NKAIN2: variants seen among roughly 807,000 people sequenced by gnomAD.
NKAIN2 encodes sodium/potassium-transporting ATPase subunit beta-1-interacting protein 2.
Under a neutral mutation model 32.6 loss-of-function variants are expected in NKAIN2, and 14 were observed. The ratio of observed to expected loss-of-function variants is 0.43; its 90% confidence interval spans 0.28 to 0.67. The LOEUF is 0.67. Ranked by LOEUF, NKAIN2 falls within the 30% of genes least tolerant of loss-of-function variation. The pLI is 0.17. For missense variants in NKAIN2, 198 were observed against 258.3 expected, an observed-to-expected ratio of 0.77 and a Z score of 1.60; for synonymous variants, 80 against 87.2, an observed-to-expected ratio of 0.92 and a Z score of 0.46.
chr6:124,242,783 C>T (rs951520335), intron 1 of NKAIN2, among the ~76,000 whole-genome samples: 1 of 150,730 alleles, frequency 6.6e-6, no homozygotes, highest in African/African-American at 2.4e-5. Context: ...CAAACTAACA[C>T]AGGAACAGAA....
At chr6:124,286,767 C>T (rs1337552033) in intron 2 of NKAIN2, among the ~76,000 whole-genome samples, 2 of 151,710 alleles carry the variant, frequency 1.3e-5, no homozygotes, top group African/African-American at 4.8e-5. Flanking sequence ...CTGCAAACTC[C>T]ACCTCCCAGG....
intron 3 of NKAIN2, among the ~76,000 whole-genome samples, chr6:124,635,941 G>C (rs947263358): frequency 6.6e-6 from 1 of 151,856 alleles, no homozygotes; most frequent in Non-Finnish European, 1.5e-5. Flanking sequence ...CAGCAAATAG[G>C]CATAATAGAC....
intron 4 of NKAIN2, among the ~76,000 whole-genome samples, chr6:124,789,762 A>C (rs1179663120): frequency 6.6e-6 from 1 of 152,108 alleles, no homozygotes; most frequent in African/African-American, 2.4e-5. Context: ...TATATAAAGA[A>C]GTGGTTCTTA....
chr6:124,484,151 G>A (rs1777562617), intron 3 of NKAIN2, among the ~76,000 whole-genome samples: 1 of 152,126 alleles, frequency 6.6e-6, no homozygotes, highest in South Asian at 2.1e-4. Flanking sequence ...TTAGACCCTG[G>A]TCAACTTTGA....
intron 1 of NKAIN2, among the ~76,000 whole-genome samples, chr6:124,219,080 G>GGGAA (rs1013375042): frequency 3.3e-5 from 5 of 151,998 alleles, no homozygotes; most frequent in African/African-American, 1.2e-4. Context: ...CTCAACACGT[G>GGGAA]GGAATAACAG....
chr6:124,125,954 C>T (rs957446778), intron 1 of NKAIN2, among the ~76,000 whole-genome samples: 14 of 152,088 alleles, frequency 9.2e-5, no homozygotes, highest in African/African-American at 2.9e-4. Context: ...TGAAGTGTTT[C>T]GCTCTTGGCT....
chr6:124,325,409 G>A (rs1797370593), intron 2 of NKAIN2, among the ~76,000 whole-genome samples: 1 of 151,958 alleles, frequency 6.6e-6, no homozygotes, highest in East Asian at 1.9e-4. Context: ...CCCAAGAGAT[G>A]TTGAAAAAAC....
At chr6:124,146,277 TG>T (rs1342026607) in intron 1 of NKAIN2, among the ~76,000 whole-genome samples, 3 of 151,976 alleles carry the variant, frequency 2.0e-5, no homozygotes, top group Non-Finnish European at 4.4e-5. Context: ...GCAAAAAAAA[TG>T]TACAGTTTTC....
chr6:124,379,428 G>T lies in NKAIN2; in HGVS notation c.273+24081G>T, dbSNP rs1337456435. 2.0e-5 allele frequency among the ~76,000 whole-genome samples: 3 copies of T among 152,084 alleles called. No homozygotes were observed. In the East Asian group the frequency reaches 5.9e-4, roughly 30 times the overall value. ...AGATTGGTTTTCTTCAACATCCCAA[G>T]TTCAGCTTCTCAATTCTTTCATCAT... On this transcript the variant is annotated intron_variant, in intron 3 of 6. Transcript: ENST00000368417.
At chr6:124,011,381 A>G (rs4571586) in intron 1 of NKAIN2, among the ~76,000 whole-genome samples, 61,647 of 150,840 alleles carry the variant, frequency 0.41, 12,742 homozygotes, top group East Asian at 0.57. Context: ...GCATATTCCC[A>G]AGTCAGCAAT....
intron 2 of NKAIN2, among the ~76,000 whole-genome samples, chr6:124,315,659 ACACTG>A: frequency 6.6e-6 from 1 of 152,148 alleles, no homozygotes; most frequent in Admixed American, 6.6e-5. Flanking sequence ...GATATAAATT[ACACTG>A]CACTGGCACT....
intron 3 of NKAIN2, among the ~76,000 whole-genome samples, chr6:124,557,005 T>C (rs1583434500): frequency 6.6e-6 from 1 of 152,206 alleles, no homozygotes; most frequent in East Asian, 1.9e-4. Flanking sequence ...AATGTAAAAC[T>C]GTCTAAACCA....
At chr6:124,740,852 G>A (rs1378988538) in intron 4 of NKAIN2, among the ~76,000 whole-genome samples, 3 of 151,800 alleles carry the variant, frequency 2.0e-5, no homozygotes, top group Non-Finnish European at 4.4e-5. Flanking sequence ...TTATATATTA[G>A]GAAAAGTTTT....
At chr6:123,997,597 CTTTTTT>C (rs545393601) in intron 1 of NKAIN2, among the ~76,000 whole-genome samples, 1 of 98,256 alleles carries the variant, frequency 1.0e-5, no homozygotes, top group African/African-American at 4.0e-5. Context: ...GGAGTTTATT[CTTTTTT>C]TTTTTTTTTT....
intron 2 of NKAIN2, among the ~76,000 whole-genome samples, chr6:124,326,134 A>G (rs1222935395): frequency 6.9e-6 from 1 of 144,926 alleles, no homozygotes; most frequent in African/African-American, 2.6e-5. Flanking sequence ...ATAAATTTTA[A>G]TTCCTTCTGA....
chr6:123,884,659 T>C (rs1773628818), intron 1 of NKAIN2, among the ~76,000 whole-genome samples: 1 of 152,148 alleles, frequency 6.6e-6, no homozygotes, highest in African/African-American at 2.4e-5. Context: ...ATAATTTGTT[T>C]AGATATTTTT....
chr6:124,511,036 A>G (rs757856341), intron 3 of NKAIN2, among the ~76,000 whole-genome samples: 2 of 152,202 alleles, frequency 1.3e-5, no homozygotes, highest in Admixed American at 1.3e-4. Context: ...TCTGATAACT[A>G]TGTGCTACCC....
At chr6:124,338,660 A>C (rs1797983118) in intron 2 of NKAIN2, among the ~76,000 whole-genome samples, 1 of 152,188 alleles carries the variant, frequency 6.6e-6, no homozygotes, top group African/African-American at 2.4e-5. Context: ...AAAAAGTCTT[A>C]TATTGTTAGA....
intron 1 of NKAIN2, among the ~76,000 whole-genome samples, chr6:123,836,938 A>T (rs867129788): frequency 4.6e-5 from 7 of 152,182 alleles, no homozygotes; most frequent in Non-Finnish European, 1.0e-4. Flanking sequence ...AACGATGCAC[A>T]TTAAAATAAC....
Sources: gnomAD v4.1 joint callset for allele counts (sites outside exome capture counted in the v4.1 genomes callset) on GRCh38, gnomAD v4.1.1 for gene constraint, MANE v1.5 for transcripts, NCBI Gene and HGNC (gene_info 2026-07-23, HGNC 2026-07-21) for gene names.